KRTAP5-5: variants seen among roughly 807,000 people sequenced by gnomAD.
The protein encoded by KRTAP5-5 is keratin associated protein 5-5, also known as keratin-associated protein 5-5.
KRTAP5-5 carries 1 observed loss-of-function variant against 2.8 expected under a neutral mutation model. That is an observed-to-expected ratio of 0.35 (90% CI 0.13 to 1.67). The LOEUF is 1.67. KRTAP5-5 is among the 40% of genes most tolerant of loss of function. The pLI, the probability that KRTAP5-5 is intolerant of heterozygous loss-of-function variation, is 0.35. For synonymous variants in KRTAP5-5, 83 were observed against 110.6 expected (o/e 0.75, Z 1.57); for missense variants, 134 against 270.9 (o/e 0.49, Z 3.55).
chr11:1,630,278 G>T (rs1849739416), exon 1 of KRTAP5-5: 1 of 1,549,364 alleles, frequency 6.5e-7, no homozygotes, highest in Non-Finnish European at 8.7e-7. Context: ...GGGGGTCCAA[G>T]GGGGGCTGTG....
chr11:1,630,538 G>A (rs1398862404), exon 1 of KRTAP5-5: 2 of 1,614,106 alleles, frequency 1.2e-6, no homozygotes, highest in South Asian at 1.1e-5. Context: ...CCCGTGTGCT[G>A]CCAGTGTAAG....
At chr11:1,630,525 G>A in exon 1 of KRTAP5-5, 1 of 1,611,724 alleles carries the variant, frequency 6.2e-7, no homozygotes, top group Non-Finnish European at 8.5e-7. Context: ...CAGCTGCTGT[G>A]TCCCCGTGTG....
In KRTAP5-5 at chr11:1,630,530, C is replaced by T. The variant is rs183750160; in HGVS notation, c.690C>T (p.Pro230=). ...GCTGCCAGTCCAGCTGCTGTGTCCC[C>T]GTGTGCTGCCAGTGTAAGATCTGAG... Residue 230 remains proline (P), a synonymous_variant, in exon 1 of 1, where the codon CCC becomes CCT. Coordinates refer to ENST00000399676, the Ensembl canonical transcript of KRTAP5-5. The T allele has an allele frequency of 5.1e-5, 82 of 1,614,072 alleles. No homozygotes were observed. The African/African-American group carries it at 5.3e-4, about 10-fold the overall frequency.
Position 1,630,503 on chromosome 11 carries a change from C to A in KRTAP5-5, c.663C>A (p.Cys221Ter). 1 of 1,614,002 alleles carries A rather than the reference C, an allele frequency of 6.2e-7. No individual in the cohort carries two copies. The highest frequency in any genetic ancestry group is 8.5e-7 in the Non-Finnish European group (1 of 1,179,904). The stretch of plus-strand genomic sequence containing the variant: ...GCCAATCCAGCTGCTACAAGCCCTG[C>A]TGCTGCCAGTCCAGCTGCTGTGTCC... Residue 221 changes from cysteine (C) to a stop codon, truncating the protein, a stop_gained, in exon 1 of 1, where the codon TGC becomes TGA. Transcript: ENST00000399676. LOFTEE classifies it high-confidence loss of function.
chr11:1,629,776 G>A (rs1849715389), exon 1 of KRTAP5-5: 4 of 1,610,424 alleles, frequency 2.5e-6, no homozygotes, highest in East Asian at 2.2e-5. Context: ...GGCTCAGGGG[G>A]CTCCACACCT....
chr11:1,630,829 G>C (rs1849752156), downstream of KRTAP5-5: 1 of 587,668 alleles, frequency 1.7e-6, no homozygotes, highest in African/African-American at 1.9e-5. Flanking sequence ...CCTGACAGCT[G>C]CTCCTTCTTT....
At chr11:1,630,084 T>G in exon 1 of KRTAP5-5, 1 of 1,610,576 alleles carries the variant, frequency 6.2e-7, no homozygotes, top group Non-Finnish European at 8.5e-7. Context: ...TTGTTCCTGC[T>G]CCAGCTGTGG....
At chr11:1,630,660 TG>T in exon 1 of KRTAP5-5, 1 of 1,460,874 alleles carries the variant, frequency 6.8e-7, no homozygotes, top group Admixed American at 1.7e-5. Context: ...GTGTCCTCAC[TG>T]GCTTCATCCA....
Position 1,630,216 on chromosome 11 carries a change from AAGGGGGGCTG to A in KRTAP5-5, c.377_386del (p.Lys126MetfsTer122). 1 of 210,596 alleles carries A rather than the reference AAGGGGGGCTG, an allele frequency of 4.7e-6. No individual in the cohort carries two copies. The highest frequency in any genetic ancestry group is 3.4e-5 in the South Asian group (1 of 29,594). 13.0% of individuals were successfully genotyped at this position (210,596 alleles called of 1,614,324 possible). A position where few individuals can be genotyped will look rare whatever the true frequency, so the allele number is the denominator to read the frequency against. The stretch of plus-strand genomic sequence containing the variant: ...GGGCTGTGGCTCCTGTGGGGGGTCC[AAGGGGGGCTG>A]TGGCTCCTGTGGGGGGTCCAAGGGG... On this transcript the variant is annotated frameshift_variant, in exon 1 of 1. Transcript: ENST00000399676. LOFTEE classifies it low-confidence loss of function (END_TRUNC).
At chr11:1,630,689 C>T (rs977469564) in exon 1 of KRTAP5-5, 54 of 1,159,774 alleles carry the variant, frequency 4.7e-5, no homozygotes, top group African/African-American at 2.9e-4. Flanking sequence ...CCAGTGCTCC[C>T]GAAACTGACT....
chr11:1,629,876 C>G lies in KRTAP5-5; in HGVS notation c.36C>G (p.Ser12=), dbSNP rs1392956239. ...GTGGCTGCTCCGGAGGCTGTGGCTC[C>G]GGCTGTGGAGGCCGTGGCTCCGGCT... Residue 12 remains serine, a synonymous_variant, in exon 1 of 1, where the codon TCC becomes TCG. Transcript: ENST00000399676. 3.1e-6 allele frequency: 5 copies of G among 1,608,240 alleles called. No homozygotes were observed. In the South Asian group the frequency reaches 5.5e-5, roughly 18 times the overall value.
chr11:1,630,440 G>A (rs776572193), exon 1 of KRTAP5-5: 1 of 1,576,188 alleles, frequency 6.3e-7, no homozygotes. Flanking sequence ...GCTGCTGTAA[G>A]CCCTGTAGCT....
exon 1 of KRTAP5-5, chr11:1,630,521 C>T: frequency 6.2e-7 from 1 of 1,614,064 alleles, no homozygotes; most frequent in South Asian, 1.1e-5. Flanking sequence ...AGTCCAGCTG[C>T]TGTGTCCCCG....
exon 1 of KRTAP5-5, chr11:1,629,862 G>A (rs745961666): frequency 5.0e-6 from 8 of 1,611,790 alleles, no homozygotes; most frequent in Admixed American, 1.7e-5. Context: ...TGGCTGCTCC[G>A]GAGGCTGTGG....
At chr11:1,629,963 C>G (rs2133534516) in exon 1 of KRTAP5-5, 1 of 1,148,696 alleles carries the variant, frequency 8.7e-7, no homozygotes, top group Non-Finnish European at 1.2e-6. Flanking sequence ...GTGGCTCCGG[C>G]TGTGGAGGCT....
exon 1 of KRTAP5-5, chr11:1,629,794 C>T (rs1849715662): frequency 1.2e-6 from 2 of 1,611,122 alleles, no homozygotes; most frequent in East Asian, 2.2e-5. Flanking sequence ...CCTGCACCTC[C>T]CTCTCACCTG....
In KRTAP5-5 at chr11:1,630,369, AGCTGCTGTAAGCCTTACTGCTGCCAG is replaced by A. The variant is rs757266560; in HGVS notation, c.530_555del (p.Ser177IlefsTer5). 51,722 of 1,314,596 alleles carry A rather than the reference AGCTGCTGTAAGCCTTACTGCTGCCAG, an allele frequency of 0.039. 3,265 individuals carry two copies. The highest frequency in any genetic ancestry group is 0.097 in the African/African-American group (4,269 of 44,170). 81.4% of individuals were successfully genotyped at this position (1,314,596 alleles called of 1,614,324 possible). ...CTGTGGGTCATCCTGCTGCCAGTCC[AGCTGCTGTAAGCCTTACTGCTGCCAG>A]TCCAGCTGCTGTAAGCCCTACTGCT... is the stretch of plus-strand genomic sequence containing the variant. On this transcript the variant is annotated frameshift_variant, in exon 1 of 1. Transcript: ENST00000399676. LOFTEE classifies it low-confidence loss of function (END_TRUNC).
chr11:1,630,598 C>G (rs758947521), exon 1 of KRTAP5-5: 11 of 1,608,464 alleles, frequency 6.8e-6, no homozygotes, highest in Non-Finnish European at 9.3e-6. Context: ...GTGAAGGGCC[C>G]GGCTGCCCAG....
At chr11:1,629,890 G>T (rs66665994) in exon 1 of KRTAP5-5, 239,303 of 682,654 alleles carry the variant, frequency 0.35, 62,755 homozygotes, top group African/African-American at 0.41. Context: ...TGTGGAGGCC[G>T]TGGCTCCGGC....
Sources: allele counts gnomAD v4.1 joint callset, GRCh38; gene constraint gnomAD v4.1.1; transcripts MANE v1.5; gene names NCBI Gene and HGNC (gene_info 2026-07-23, HGNC 2026-07-21).